Variants in RAB38 observed in about 807,000 individuals in gnomAD.
RAB38 encodes the protein ras-related protein Rab-38.
In RAB38, 15 loss-of-function variants were observed where a neutral mutation model predicts 18.4. The observed-to-expected ratio is 0.82, with a 90% CI of 0.55 to 1.26. RAB38 has a LOEUF of 1.26. RAB38 is among the 50% of genes most tolerant of loss of function. The pLI is 0.00. For missense variants in RAB38, 294 were observed against 267.4 expected, an observed-to-expected ratio of 1.10 and a Z score of -0.69; for synonymous variants, 101 against 104.4, an observed-to-expected ratio of 0.97 and a Z score of 0.20.
chr11:88,153,999 C>T (rs1290765936), intron 1 of RAB38, among the ~76,000 whole-genome samples: 2 of 152,138 alleles, frequency 1.3e-5, no homozygotes, highest in South Asian at 2.1e-4. Flanking sequence ...GGCAAACAGC[C>T]GCTTTGATGG....
chr11:87,865,463 GTACC>G, the RAB38 span, among the ~76,000 whole-genome samples: 1 of 151,652 alleles, frequency 6.6e-6, no homozygotes, highest in African/African-American at 2.4e-5. Context: ...TGGCTCATGC[GTACC>G]TAGAAGTTTG....
At chr11:88,148,767 A>G (rs1009493603) in intron 2 of RAB38, among the ~76,000 whole-genome samples, 1 of 152,222 alleles carries the variant, frequency 6.6e-6, no homozygotes, top group Non-Finnish European at 1.5e-5. Flanking sequence ...TAATATTTGA[A>G]TAAAAGTGGA....
intron 1 of RAB38, among the ~76,000 whole-genome samples, chr11:88,153,794 T>G (rs1356736111): frequency 6.6e-6 from 1 of 152,208 alleles, no homozygotes; most frequent in Non-Finnish European, 1.5e-5. Flanking sequence ...TAGTGTATGA[T>G]TAGTCTTAAA....
the RAB38 span, among the ~76,000 whole-genome samples, chr11:87,875,247 T>C: frequency 6.6e-6 from 1 of 151,506 alleles, no homozygotes; most frequent in East Asian, 2.0e-4. Flanking sequence ...CCACATTATA[T>C]ACATATATAC....
At chr11:88,069,202 G>A in the RAB38 span, among the ~76,000 whole-genome samples, 1 of 152,234 alleles carries the variant, frequency 6.6e-6, no homozygotes, top group Admixed American at 6.5e-5. Flanking sequence ...GGGCCAGGAG[G>A]TGCGGAGGGG....
chr11:87,928,594 G>A, the RAB38 span, among the ~76,000 whole-genome samples: 7 of 151,566 alleles, frequency 4.6e-5, no homozygotes, highest in Admixed American at 6.6e-5. Flanking sequence ...AATACATAAC[G>A]ATATAAAAAA....
the RAB38 span, among the ~76,000 whole-genome samples, chr11:87,842,612 T>C: frequency 4.9e-4 from 75 of 152,330 alleles, no homozygotes; most frequent in African/African-American, 1.4e-3. Context: ...CACAAATAAA[T>C]GTGCTCTTTA....
chr11:87,822,392 A>G, the RAB38 span, among the ~76,000 whole-genome samples: 2 of 152,220 alleles, frequency 1.3e-5, no homozygotes, highest in African/African-American at 2.4e-5. Context: ...TTTTTACTTT[A>G]CAGTTTCTGT....
chr11:88,109,272 A>G (rs990625285), downstream of RAB38, among the ~76,000 whole-genome samples: 1 of 152,210 alleles, frequency 6.6e-6, no homozygotes, highest in Non-Finnish European at 1.5e-5. Context: ...CCATGCGGAA[A>G]GGATTCCCTA....
chr11:87,817,376 C>T, the RAB38 span: 2 of 152,092 alleles, frequency 1.3e-5, no homozygotes. Flanking sequence ...TCAATTGAAA[C>T]AATCCTGTAG....
chr11:87,820,546 A>G, the RAB38 span, among the ~76,000 whole-genome samples: 1 of 152,214 alleles, frequency 6.6e-6, no homozygotes, highest in South Asian at 2.1e-4. Context: ...AATTGGCAAC[A>G]TTTGGCAAAT....
chr11:87,806,567 A>T, the RAB38 span, among the ~76,000 whole-genome samples: 2 of 152,200 alleles, frequency 1.3e-5, no homozygotes, highest in Non-Finnish European at 2.9e-5. Flanking sequence ...GCATGCTATT[A>T]TATCAATGCC....
At position 88,114,050 on chromosome 11, in the gene RAB38, C is replaced by T. The variant is rs374499030; in HGVS notation, c.574G>A (p.Val192Ile). Reference protein sequence around the residue: ...CDLMESIEPDVVKPHLTSTKV... With the variant: ...CDLMESIEPDIVKPHLTSTKV... ...GTTGATGTGAGATGGGGCTTCACGA[C>T]GTCCGGCTCAATAGACTCCATTAGG... The change falls in exon 3 of 3, where the codon GTC becomes ATC. Residue 192 changes from valine (V) to isoleucine (I), a missense_variant. Coordinates refer to ENST00000243662, the MANE Select transcript of RAB38 (RefSeq NM_022337.3). The T allele has an allele frequency of 7.7e-5, 124 of 1,614,044 alleles. No homozygotes were observed. The highest frequency in any genetic ancestry group is 9.6e-5 in the Non-Finnish European group (113 of 1,180,024).
intron 2 of RAB38, among the ~76,000 whole-genome samples, chr11:88,124,334 G>A (rs975852049): frequency 2.0e-5 from 3 of 152,092 alleles, no homozygotes; most frequent in Admixed American, 2.0e-4. Context: ...AGAGTGAACA[G>A]GCAACCTACG....
chr11:87,891,896 C>T, the RAB38 span, among the ~76,000 whole-genome samples: 1 of 151,694 alleles, frequency 6.6e-6, no homozygotes, highest in Non-Finnish European at 1.5e-5. Context: ...TTTGTTTTTT[C>T]TCCTCCCACA....
the RAB38 span, among the ~76,000 whole-genome samples, chr11:88,030,794 G>C: frequency 2.0e-4 from 30 of 152,260 alleles, no homozygotes; most frequent in African/African-American, 7.0e-4. Context: ...AATTCCACCA[G>C]AGGTACAAGG....
the RAB38 span, among the ~76,000 whole-genome samples, chr11:88,060,623 C>T: frequency 3.2e-4 from 48 of 152,250 alleles, no homozygotes; most frequent in Non-Finnish European, 5.4e-4. Flanking sequence ...ACATTTTCAA[C>T]TCTACTAGAG....
the RAB38 span, among the ~76,000 whole-genome samples, chr11:88,073,339 T>G: frequency 6.6e-6 from 1 of 152,116 alleles, no homozygotes; most frequent in African/African-American, 2.4e-5. Context: ...GGGCACAAAC[T>G]CCTAGCTAGT....
chr11:88,004,264 G>C, the RAB38 span, among the ~76,000 whole-genome samples: 1 of 149,536 alleles, frequency 6.7e-6, no homozygotes, highest in Non-Finnish European at 1.5e-5. Context: ...ATTGATTACA[G>C]CAATTTGTAA....
Sources: gnomAD v4.1 joint callset for allele counts (sites outside exome capture counted in the v4.1 genomes callset) on GRCh38, gnomAD v4.1.1 for gene constraint, MANE v1.5 for transcripts, NCBI Gene and HGNC (gene_info 2026-07-23, HGNC 2026-07-21) for gene names.